TTC6: variants seen among roughly 807,000 people sequenced by gnomAD.
The protein encoded by TTC6 is tetratricopeptide repeat domain 6, also known as tetratricopeptide repeat protein 6.
A neutral mutation model predicts 210.4 loss-of-function variants in TTC6; 172 were observed. The ratio of observed to expected loss-of-function variants is 0.82; its 90% CI spans 0.72 to 0.93. The LOEUF is 0.93. Among genes scored for constraint, TTC6 ranks in the 40% least tolerant of loss-of-function variants. The pLI is 0.00. For synonymous variants in TTC6, 804 were observed against 819.6 expected, an observed-to-expected ratio of 0.98 and a Z score of 0.32; for missense variants, 2,414 against 2,318.1, an observed-to-expected ratio of 1.04 and a Z score of -0.85.
upstream of TTC6, among the ~76,000 whole-genome samples, chr14:37,619,191 T>G (rs1159330224): frequency 6.6e-6 from 1 of 152,218 alleles, no homozygotes; most frequent in African/African-American, 2.4e-5. Flanking sequence ...CTTTTTAATA[T>G]GAACCCTTGG....
chr14:37,749,511 G>T, intron 11 of TTC6, 110 bp downstream of exon 13: 1 of 1,164,042 alleles, frequency 8.6e-7, no homozygotes, highest in Non-Finnish European at 1.1e-6. Context: ...TATAGCATGT[G>T]GAATTATTAT....
chr14:37,766,380 G>C (rs1042376955), intron 14 of TTC6, among the ~76,000 whole-genome samples: 1 of 152,126 alleles, frequency 6.6e-6, no homozygotes, highest in African/African-American at 2.4e-5. Flanking sequence ...CTCTCAAGTA[G>C]AACCCCATGT....
chr14:37,790,353 T>C (rs1595270516), intron 15 of TTC6, among the ~76,000 whole-genome samples: 1 of 151,740 alleles, frequency 6.6e-6, no homozygotes, highest in African/African-American at 2.4e-5. Context: ...CTGACTGGAG[T>C]TGGATTCTAG....
chr14:37,696,662 A>C (rs941288227), intron 3 of TTC6, 55 bp from the exon 6 acceptor site: 55 of 848,422 alleles, frequency 6.5e-5, no homozygotes, highest in Non-Finnish European at 8.6e-5. Context: ...TGAGAGAAAG[A>C]TCTAACTCTC....
chr14:37,761,484 T>G (rs2095984361), intron 14 of TTC6, among the ~76,000 whole-genome samples: 3 of 151,956 alleles, frequency 2.0e-5, no homozygotes, highest in African/African-American at 7.3e-5. Context: ...TAAGGTAAAA[T>G]AAAGCTTATA....
chr14:37,739,586 AAAAAG>A (rs1461740903), intron 10 of TTC6, among the ~76,000 whole-genome samples: 6 of 148,300 alleles, frequency 4.0e-5, no homozygotes, highest in African/African-American at 1.2e-4. Context: ...AAAAAAAAAA[AAAAAG>A]AAAGACAAAC....
chr14:37,651,458 C>T (rs2139425173), intron 1 of TTC6, among the ~76,000 whole-genome samples: 1 of 71,038 alleles, frequency 1.4e-5, no homozygotes, highest in Non-Finnish European at 2.8e-5. Context: ...TTTTTTCCAT[C>T]CATGATTCAT....
chr14:37,751,294 C>A, intron 13 of TTC6, 69 bp downstream of exon 15: 1 of 1,181,770 alleles, frequency 8.5e-7, no homozygotes, highest in Non-Finnish European at 1.1e-6. Flanking sequence ...GCAAATAGTA[C>A]AGCAAGTTTT....
chr14:37,748,827 G>A, intron 10 of TTC6, 112 bp from the exon 13 acceptor site: 3 of 761,142 alleles, frequency 3.9e-6, no homozygotes, highest in Non-Finnish European at 6.0e-6. Context: ...AAATTAGCAT[G>A]TAATTTTGTT....
At chr14:37,651,374 T>C (rs2095710757) in intron 1 of TTC6, among the ~76,000 whole-genome samples, 1 of 134,536 alleles carries the variant, frequency 7.4e-6, no homozygotes, top group African/African-American at 2.7e-5. Flanking sequence ...ATTGAATATA[T>C]GCACTGTTTA....
At position 37,706,644 on chromosome 14, in the gene TTC6, G is replaced by A. The variant is rs868208174; in HGVS notation, c.1571+5118G>A. On this transcript the variant is annotated intron_variant, in intron 5 of 30. Transcript: ENST00000553443. The stretch of plus-strand genomic sequence containing the variant: ...TGAGGTAGAATTTTGTATTCTGAAA[G>A]GGTTAGAACTAAATTCAGAAACAAC... 4.4e-4 allele frequency among the ~76,000 whole-genome samples: 67 copies of A among 152,144 alleles called. 1 individual carries two copies. The highest frequency in any genetic ancestry group is 1.5e-3 in the African/African-American group (63 of 41,526).
chr14:37,783,169 T>C (rs1458232923), intron 14 of TTC6, among the ~76,000 whole-genome samples: 1 of 152,180 alleles, frequency 6.6e-6, no homozygotes, highest in East Asian at 1.9e-4. Context: ...GAATTCCCTC[T>C]TTTTCTATTG....
At chr14:37,812,552 G>A in intron 25 of TTC6, 119 bp downstream of exon 27, 1 of 1,001,888 alleles carries the variant, frequency 1.0e-6, no homozygotes, top group South Asian at 2.4e-5. Context: ...ACTTTAGCAA[G>A]AATTCTATTA....
At chr14:37,665,279 G>A (rs1275234277) in intron 1 of TTC6, among the ~76,000 whole-genome samples, 3 of 150,482 alleles carry the variant, frequency 2.0e-5, no homozygotes, top group African/African-American at 4.8e-5. Flanking sequence ...ATGAATAAAG[G>A]AAATGTGGTA....
intron 1 of TTC6, among the ~76,000 whole-genome samples, chr14:37,669,386 C>G (rs912150786): frequency 6.6e-6 from 1 of 152,280 alleles, no homozygotes; most frequent in Admixed American, 6.5e-5. Flanking sequence ...GAAAGGATCT[C>G]AAAATCAATC....
intron 14 of TTC6, among the ~76,000 whole-genome samples, chr14:37,781,519 G>A (rs531624511): frequency 2.8e-4 from 42 of 152,208 alleles, no homozygotes; most frequent in African/African-American, 1.0e-3. Flanking sequence ...GTAGATTCTG[G>A]ATATTAGCCG....
At chr14:37,740,365 T>C (rs761702455) in intron 10 of TTC6, among the ~76,000 whole-genome samples, 35 of 152,202 alleles carry the variant, frequency 2.3e-4, no homozygotes, top group South Asian at 1.2e-3. Flanking sequence ...AACAAACATA[T>C]TGTGCAAAAT....
chr14:37,787,309 G>A (rs772864583), intron 14 of TTC6, among the ~76,000 whole-genome samples, 159 bp from the exon 17 acceptor site: 7 of 152,144 alleles, frequency 4.6e-5, no homozygotes, highest in Non-Finnish European at 7.4e-5. Flanking sequence ...TAAAAAGTTT[G>A]TATCATTTTT....
intron 10 of TTC6, among the ~76,000 whole-genome samples, chr14:37,740,837 T>G (rs1017915243): frequency 6.6e-6 from 1 of 152,206 alleles, no homozygotes; most frequent in Non-Finnish European, 1.5e-5. Flanking sequence ...TAAAGTATTA[T>G]GAATCTTCAC....
Sources: allele counts gnomAD v4.1 joint callset (sites outside exome capture counted in the v4.1 genomes callset), GRCh38; gene constraint gnomAD v4.1.1; transcripts MANE v1.5; gene names NCBI Gene and HGNC (gene_info 2026-07-23, HGNC 2026-07-21).